TEX9: variants seen among roughly 807,000 people sequenced by gnomAD.
TEX9 encodes testis-expressed protein 9.
In TEX9, 74 loss-of-function variants were observed where a neutral mutation model predicts 59.6. The ratio of observed to expected loss-of-function variants is 1.24; its 90% CI spans 1.03 to 1.51. The LOEUF (loss-of-function observed/expected upper bound fraction) is 1.51, where lower values mean the gene tolerates loss of function less well. TEX9 is among the 40% of genes most tolerant of loss of function. The probability of loss-of-function intolerance (pLI) is 0.00; values close to 1 mark genes in which losing one functional copy is unlikely to be tolerated. For synonymous variants in TEX9, 186 were observed against 152.2 expected, an observed-to-expected ratio of 1.22 and a Z score of -1.64; for missense variants, 522 against 447.8, an observed-to-expected ratio of 1.17 and a Z score of -1.49.
At chr15:56,318,267 C>G (rs1191132371) in intron 1 of TEX9, among the ~76,000 whole-genome samples, 1 of 152,124 alleles carries the variant, frequency 6.6e-6, no homozygotes, top group African/African-American at 2.4e-5. Context: ...TTCTTTGTCT[C>G]TGTTAACACT....
chr15:56,336,473 G>C (rs111900802), intron 1 of TEX9, among the ~76,000 whole-genome samples: 1 of 151,978 alleles, frequency 6.6e-6, no homozygotes, highest in South Asian at 2.1e-4. Flanking sequence ...TCTGCAATCC[G>C]GAAGAGGGCC....
chr15:56,443,905 AAG>A lies in TEX9; in HGVS notation c.*30-1765_*30-1764del, dbSNP rs761554789. On this transcript the variant is annotated intron_variant, in intron 12 of 12. Coordinates refer to ENST00000352903, the Ensembl canonical transcript of TEX9. ...TTATAGTAAACAATAAAATATAAAA[AAG>A]TAATTTCATTTTGTTCATAATAATG... The A allele has an allele frequency of 7.6e-6, 10 of 1,311,100 alleles. No individual in the cohort carries two copies. The African/African-American group carries it at 1.5e-4, about 20-fold the overall frequency. The allele number at this position is 1,311,100 out of a possible 1,614,324, so 81.2% of individuals were successfully genotyped here. A position where few individuals can be genotyped will look rare whatever the true frequency, so the allele number is the denominator to read the frequency against.
At chr15:56,446,777 G>C, downstream of TEX9, 1 of 1,242,950 alleles carries the variant, frequency 8.0e-7, no homozygotes, top group South Asian at 1.4e-5. Context: ...AATTTTTTAA[G>C]AAACAAGTCT....
At chr15:56,256,507 A>G (rs1194082803) in intron 1 of TEX9, among the ~76,000 whole-genome samples, 8 of 152,126 alleles carry the variant, frequency 5.3e-5, no homozygotes, top group African/African-American at 1.7e-4. Flanking sequence ...AAAAAAATAC[A>G]TAAAGTAGAA....
chr15:56,288,745 C>T (rs2045012303), intron 1 of TEX9, among the ~76,000 whole-genome samples: 1 of 152,000 alleles, frequency 6.6e-6, no homozygotes, highest in South Asian at 2.1e-4. Context: ...TGATTGGAGG[C>T]TTTTAACTTT....
At chr15:56,306,646 G>T (rs779551305) in intron 1 of TEX9, among the ~76,000 whole-genome samples, 32 of 152,086 alleles carry the variant, frequency 2.1e-4, no homozygotes, top group Non-Finnish European at 2.6e-4. Flanking sequence ...ATATTTAATG[G>T]ATACAAAAAT....
intron 2 of TEX9, among the ~76,000 whole-genome samples, chr15:56,372,676 G>T (rs1398393257): frequency 6.6e-6 from 1 of 152,118 alleles, no homozygotes; most frequent in African/African-American, 2.4e-5. Flanking sequence ...ACAAAATTGT[G>T]TGTATGCTAT....
At chr15:56,448,432 T>C (rs1200449175), downstream of TEX9, among the ~76,000 whole-genome samples, 1 of 152,138 alleles carries the variant, frequency 6.6e-6, no homozygotes, top group Non-Finnish European at 1.5e-5. Flanking sequence ...TGTTCCCATA[T>C]ATGTCTATGT....
chr15:56,324,578 T>C (rs1280517870), intron 1 of TEX9, among the ~76,000 whole-genome samples: 2 of 152,218 alleles, frequency 1.3e-5, no homozygotes, highest in Non-Finnish European at 2.9e-5. Flanking sequence ...AGATGTGGAT[T>C]ATGTAGGAAT....
upstream of TEX9, among the ~76,000 whole-genome samples, chr15:56,363,742 T>A (rs79174591): frequency 0.017 from 2,543 of 152,114 alleles, 69 homozygotes; most frequent in African/African-American, 0.058. Context: ...CATGGCTCTT[T>A]GCAGCCTTGA....
chr15:56,389,342 G>A, exon 6 of TEX9: 1 of 1,611,026 alleles, frequency 6.2e-7, no homozygotes, highest in Non-Finnish European at 8.5e-7. Context: ...CATTGATCCT[G>A]TAAACAAGGT....
At chr15:56,389,193 G>A in intron 5 of TEX9, 125 bp from the exon 6 acceptor site, 1 of 738,294 alleles carries the variant, frequency 1.4e-6, no homozygotes, top group South Asian at 1.6e-5. Context: ...CACATTTTTG[G>A]TAATTCCATG....
At chr15:56,252,160 T>C (rs149162754) in intron 1 of TEX9, among the ~76,000 whole-genome samples, 1 of 152,274 alleles carries the variant, frequency 6.6e-6, no homozygotes, top group Non-Finnish European at 1.5e-5. Context: ...TGTGGTACCT[T>C]GTACAGCCTT....
At chr15:56,243,973 G>C (rs571500822), upstream of TEX9, 140 of 150,274 alleles carry the variant, frequency 9.3e-4, 1 homozygote, top group African/African-American at 3.2e-3. Context: ...GGGCCGGGAT[G>C]GGGGCGCACG....
At chr15:56,431,259 G>T (rs2050586520) in intron 12 of TEX9, 2 of 1,241,410 alleles carry the variant, frequency 1.6e-6, no homozygotes. Flanking sequence ...TCCCATTGCT[G>T]CTTCATAACC....
At chr15:56,398,134 A>G (rs1175659019) in intron 9 of TEX9, 1 of 152,226 alleles carries the variant, frequency 6.6e-6, no homozygotes, top group African/African-American at 2.4e-5. Flanking sequence ...CCAGTATGGT[A>G]GCCACTTACC....
chr15:56,368,700 T>C (rs2047056262), intron 2 of TEX9, among the ~76,000 whole-genome samples: 1 of 152,196 alleles, frequency 6.6e-6, no homozygotes, highest in Non-Finnish European at 1.5e-5. Context: ...TAGCATAAAC[T>C]GAGTCTATGG....
intron 1 of TEX9, among the ~76,000 whole-genome samples, chr15:56,343,605 C>CA (rs1426340170): frequency 6.6e-6 from 1 of 152,002 alleles, no homozygotes; most frequent in Admixed American, 6.6e-5. Context: ...AGGATATTAT[C>CA]AACAACTTCA....
intron 9 of TEX9, among the ~76,000 whole-genome samples, chr15:56,401,639 C>A (rs1195990075): frequency 2.0e-5 from 3 of 152,110 alleles, no homozygotes; most frequent in Non-Finnish European, 4.4e-5. Context: ...CAAAGCAGAC[C>A]TTATAGACAT....
Sources: allele counts gnomAD v4.1 joint callset (sites outside exome capture counted in the v4.1 genomes callset), GRCh38; gene constraint gnomAD v4.1.1; transcripts MANE v1.5; gene names NCBI Gene and HGNC (gene_info 2026-07-23, HGNC 2026-07-21).